Variants in IQCM observed in about 807,000 individuals in gnomAD.
The protein encoded by IQCM is IQ motif containing M.
In IQCM, 45 loss-of-function variants were observed where a neutral mutation model predicts 57.6. The observed-to-expected ratio is 0.78, with a 90% CI of 0.62 to 1.00. The LOEUF (loss-of-function observed/expected upper bound fraction) is 1.00. Among genes scored for constraint, IQCM ranks in the 50% least tolerant of loss-of-function variants. The pLI is 0.00. For missense variants in IQCM, 468 were observed against 511.6 expected (o/e 0.91, Z 0.82); for synonymous variants, 148 against 158.9 (o/e 0.93, Z 0.51).
intron 10 of IQCM, 114 bp downstream of exon 10, chr4:149,563,578 C>G (rs750729202): frequency 2.8e-6 from 2 of 714,550 alleles, no homozygotes; most frequent in Non-Finnish European, 3.9e-6. Flanking sequence ...AACAGCAAAA[C>G]TCTATCTCCA....
At chr4:149,581,375 C>T (rs1752166133) in intron 9 of IQCM, among the ~76,000 whole-genome samples, 1 of 151,388 alleles carries the variant, frequency 6.6e-6, no homozygotes, top group Admixed American at 6.6e-5. Flanking sequence ...TGTCTTACCT[C>T]CCTCATTGTA....
chr4:149,387,680 T>G (rs1731518893), intron 13 of IQCM, among the ~76,000 whole-genome samples: 1 of 152,060 alleles, frequency 6.6e-6, no homozygotes, highest in Non-Finnish European at 1.5e-5. Flanking sequence ...TTCTTTTTCT[T>G]TATAGCTTTA....
At chr4:149,411,316 T>G (rs1733369212) in intron 13 of IQCM, among the ~76,000 whole-genome samples, 1 of 152,182 alleles carries the variant, frequency 6.6e-6, no homozygotes, top group South Asian at 2.1e-4. Flanking sequence ...ACAGAATTGT[T>G]TAACAGTTCA....
chr4:149,535,277 A>T (rs1440289497), intron 12 of IQCM, among the ~76,000 whole-genome samples: 2 of 152,108 alleles, frequency 1.3e-5, no homozygotes. Flanking sequence ...AATTATATTA[A>T]TTAAAAGTTT....
chr4:149,784,944 A>C (rs1771943342), intron 2 of IQCM, among the ~76,000 whole-genome samples: 1 of 152,260 alleles, frequency 6.6e-6, no homozygotes, highest in Non-Finnish European at 1.5e-5. Flanking sequence ...TGAATAGATA[A>C]GTTAATGAAC....
At chr4:149,678,013 A>C (rs1204563200) in intron 7 of IQCM, among the ~76,000 whole-genome samples, 3 of 151,846 alleles carry the variant, frequency 2.0e-5, no homozygotes, top group Non-Finnish European at 4.4e-5. Context: ...AAAAGCAAGA[A>C]AGATCACCTA....
chr4:149,554,990 C>T (rs1749442318), intron 10 of IQCM, among the ~76,000 whole-genome samples: 1 of 152,188 alleles, frequency 6.6e-6, no homozygotes, highest in South Asian at 2.1e-4. Context: ...TGAGCCACTG[C>T]ACCCGGCCCA....
intron 7 of IQCM, among the ~76,000 whole-genome samples, chr4:149,648,817 C>A (rs570085791): frequency 9.7e-4 from 147 of 151,868 alleles, no homozygotes; most frequent in African/African-American, 3.2e-3. Context: ...TTAATGGATG[C>A]AGCACACCAA....
chr4:149,507,244 A>T (rs1451415158), intron 12 of IQCM, among the ~76,000 whole-genome samples: 1 of 152,176 alleles, frequency 6.6e-6, no homozygotes, highest in Non-Finnish European at 1.5e-5. Context: ...TAATACAGTA[A>T]ATTGGAACAG....
At chr4:149,768,757 C>T (rs1034826554) in intron 2 of IQCM, among the ~76,000 whole-genome samples, 7 of 152,112 alleles carry the variant, frequency 4.6e-5, no homozygotes, top group Middle Eastern at 3.4e-3. Context: ...CTCTGAGACA[C>T]GGCAACTGAA....
intron 7 of IQCM, among the ~76,000 whole-genome samples, chr4:149,643,300 A>C (rs1042114402): frequency 2.4e-4 from 36 of 152,342 alleles, no homozygotes; most frequent in African/African-American, 8.7e-4. Flanking sequence ...AAGATGAACA[A>C]GAAGAAGCCC....
chr4:149,653,660 A>C (rs564911906), intron 7 of IQCM, among the ~76,000 whole-genome samples: 29 of 152,264 alleles, frequency 1.9e-4, no homozygotes, highest in African/African-American at 6.7e-4. Flanking sequence ...CTGTGACATT[A>C]AATTTTTAAA....
intron 12 of IQCM, among the ~76,000 whole-genome samples, chr4:149,442,941 CACACACACACACAGAGAGAG>C (rs1736097754): frequency 1.9e-5 from 1 of 52,508 alleles, no homozygotes; most frequent in African/African-American, 8.2e-5. Flanking sequence ...CACACACACA[CACACACACACACAGAGAGAG>C]AGAGAGAGAG....
chr4:149,373,179 G>A (rs1373559561), intron 13 of IQCM, among the ~76,000 whole-genome samples: 1 of 152,082 alleles, frequency 6.6e-6, no homozygotes, highest in African/African-American at 2.4e-5. Context: ...CACTTTATAT[G>A]TTATTTTATT....
intron 12 of IQCM, among the ~76,000 whole-genome samples, chr4:149,436,912 G>C (rs1735417197): frequency 6.6e-6 from 1 of 151,982 alleles, no homozygotes; most frequent in African/African-American, 2.4e-5. Context: ...GTATACAACA[G>C]GTGTGCAAAG....
chr4:149,721,844 T>C (rs574626770), intron 5 of IQCM, among the ~76,000 whole-genome samples: 15 of 152,244 alleles, frequency 9.9e-5, no homozygotes, highest in African/African-American at 3.6e-4. Context: ...GTAGATCTAC[T>C]TTTAGTTCTT....
At chr4:149,782,615 A>C (rs775075419) in intron 2 of IQCM, among the ~76,000 whole-genome samples, 4 of 151,962 alleles carry the variant, frequency 2.6e-5, no homozygotes, top group Non-Finnish European at 4.4e-5. Flanking sequence ...AAAGAAAAAA[A>C]AAGTGGGGGT....
rs1455168717 is a variant in IQCM, at chr4:149,585,304, A to C, written c.749+2626T>G. ...CTGTAAGGAAACCTCTAGCCGAAAA[A>C]TATATGGGAAATTCCTCTGTAACAA... is the stretch of plus-strand genomic sequence containing the variant. On this transcript the variant is annotated intron_variant, in intron 9 of 13. Transcript: ENST00000636793. Among the ~76,000 whole-genome samples the C allele has an allele frequency of 6.6e-5, 10 of 151,686 alleles. 1 individual carries two copies. The highest frequency in any genetic ancestry group is 7.4e-5 in the Non-Finnish European group (5 of 67,788).
intron 2 of IQCM, among the ~76,000 whole-genome samples, chr4:149,812,892 G>A (rs1454274519): frequency 6.6e-6 from 1 of 152,022 alleles, no homozygotes; most frequent in Non-Finnish European, 1.5e-5. Flanking sequence ...AAAGCCTCTA[G>A]CATTTTACTT....
Sources: gnomAD v4.1 joint callset for allele counts (sites outside exome capture counted in the v4.1 genomes callset) on GRCh38, gnomAD v4.1.1 for gene constraint, MANE v1.5 for transcripts, NCBI Gene and HGNC (gene_info 2026-07-23, HGNC 2026-07-21) for gene names.